Variants in SVIL observed in about 807,000 individuals in gnomAD.
SVIL encodes archvillin.
Under a neutral mutation model 240.4 loss-of-function variants are expected in SVIL, and 101 were observed. The ratio of observed to expected loss-of-function variants is 0.42; its 90% CI spans 0.36 to 0.50. SVIL has a LOEUF of 0.50. SVIL is among the 20% of genes least tolerant of loss of function. SVIL has a pLI of 0.01. For synonymous variants in SVIL, 999 were observed against 1,100.0 expected (o/e 0.91, Z 1.82); for missense variants, 2,512 against 2,818.7 (o/e 0.89, Z 2.46).
chr10:29,720,439 T>C (rs1407050374), intron 1 of SVIL, among the ~76,000 whole-genome samples: 5 of 152,146 alleles, frequency 3.3e-5, no homozygotes, highest in Non-Finnish European at 7.4e-5. Flanking sequence ...CACATGGTAC[T>C]TATAAAAATA....
At chr10:29,647,624 G>GGGGGGTGT (rs148132418) in intron 3 of SVIL, among the ~76,000 whole-genome samples, 14 of 151,566 alleles carry the variant, frequency 9.2e-5, no homozygotes, top group African/African-American at 2.2e-4. Context: ...TGCAAATATA[G>GGGGGGTGT]GTGTGTGTGT....
At chr10:29,558,751 A>G (rs1231758102) in intron 3 of SVIL, among the ~76,000 whole-genome samples, 1 of 150,756 alleles carries the variant, frequency 6.6e-6, no homozygotes, top group Non-Finnish European at 1.5e-5. Context: ...ACATGATGAA[A>G]CCCCGTCTCA....
intron 3 of SVIL, among the ~76,000 whole-genome samples, chr10:29,640,736 G>A (rs561875778): frequency 6.6e-6 from 1 of 152,112 alleles, no homozygotes; most frequent in Non-Finnish European, 1.5e-5. Context: ...ACTAAGCCTC[G>A]GTTCCTGCCT....
At chr10:29,567,802 G>A (rs1955093196) in intron 2 of SVIL, among the ~76,000 whole-genome samples, 1 of 152,070 alleles carries the variant, frequency 6.6e-6, no homozygotes, top group Admixed American at 6.5e-5. Context: ...GGATCACAAG[G>A]TCAGGAGATC....
At chr10:29,627,901 A>G (rs1957936172) in intron 1 of SVIL, among the ~76,000 whole-genome samples, 1 of 152,228 alleles carries the variant, frequency 6.6e-6, no homozygotes, top group Non-Finnish European at 1.5e-5. Flanking sequence ...TGTGGCTAAA[A>G]TGAACATCCG....
chr10:29,731,240 T>C (rs1300526041), intron 1 of SVIL, among the ~76,000 whole-genome samples: 1 of 152,218 alleles, frequency 6.6e-6, no homozygotes, highest in East Asian at 1.9e-4. Context: ...GCCCAACCCT[T>C]ATTCATCTTT....
Position 29,634,922 on chromosome 10 carries a change from A to T in SVIL, c.-703T>A, listed in dbSNP as rs1259584147. 1 of 152,236 alleles carries T rather than the reference A, an allele frequency of 6.6e-6. No individual in the cohort carries two copies. Among genetic ancestry groups the T allele is most frequent in the Admixed American group, 6.5e-5 (1 of 15,284 alleles). 9.4% of individuals were successfully genotyped at this position (152,236 alleles called of 1,614,324 possible). ...GAGCCATCCATTACTGGGCAAATCC[A>T]CATGAAACCTGAGGACACTTCAGCC... On this transcript the variant is annotated 5_prime_UTR_variant, in exon 1 of 38. Coordinates refer to ENST00000355867, the MANE Select transcript of SVIL (RefSeq NM_021738.3).
At chr10:29,462,827 G>C (rs1387374724) in intron 35 of SVIL, among the ~76,000 whole-genome samples, 1 of 152,122 alleles carries the variant, frequency 6.6e-6, no homozygotes, top group Non-Finnish European at 1.5e-5. Context: ...TGAGTGGAAG[G>C]TTTCATATGT....
rs1451723545 is a variant in SVIL at position 29,577,669 on chromosome 10, T to C, written c.-200-8357A>G. 2.6e-5 allele frequency among the ~76,000 whole-genome samples: 4 copies of C among 152,248 alleles called. 1 individual carries two copies. In the South Asian group the frequency reaches 8.3e-4, roughly 31 times the overall value. On this transcript the variant is annotated intron_variant, in intron 1 of 37. Transcript: ENST00000355867. ...TGCGGGTGCATGTGTCTTTTTTATA[T>C]AATGACTTCTTTTCCTTTGGGTAGA...
chr10:29,681,105 G>C (rs1271659871), intron 2 of SVIL, among the ~76,000 whole-genome samples: 2 of 152,104 alleles, frequency 1.3e-5, no homozygotes, highest in Admixed American at 1.3e-4. Flanking sequence ...GCAGGAAGCT[G>C]TCATAAAGGG....
At chr10:29,696,185 C>T (rs1589530643) in intron 1 of SVIL, among the ~76,000 whole-genome samples, 1 of 151,906 alleles carries the variant, frequency 6.6e-6, no homozygotes, top group Non-Finnish European at 1.5e-5. Flanking sequence ...AGCTCCTAGC[C>T]GCGAGTGTTC....
chr10:29,608,235 A>C (rs1189103030), intron 1 of SVIL, among the ~76,000 whole-genome samples: 1 of 152,186 alleles, frequency 6.6e-6, no homozygotes, highest in Non-Finnish European at 1.5e-5. Flanking sequence ...AGGCAGTGGA[A>C]GTGGGGTTGG....
chr10:29,687,468 A>G (rs569939387), intron 1 of SVIL, among the ~76,000 whole-genome samples: 89 of 152,340 alleles, frequency 5.8e-4, no homozygotes, highest in African/African-American at 2.0e-3. Flanking sequence ...GAGGCAGGTG[A>G]ATCACCTGAG....
intron 17 of SVIL, among the ~76,000 whole-genome samples, chr10:29,509,408 G>A (rs1213677634): frequency 6.8e-6 from 1 of 147,110 alleles, no homozygotes; most frequent in Non-Finnish European, 1.5e-5. Context: ...CACAGGAAAT[G>A]ACAGAACTAG....
At chr10:29,639,469 C>A (rs886549244), upstream of SVIL, among the ~76,000 whole-genome samples, 2 of 125,454 alleles carry the variant, frequency 1.6e-5, no homozygotes, top group African/African-American at 6.2e-5. Flanking sequence ...GCGCCTGGCC[C>A]TTTTTTTTTT....
chr10:29,693,632 T>C lies in SVIL; in HGVS notation c.-399-6981A>G, dbSNP rs149672253. On this transcript the variant is annotated intron_variant, in intron 1 of 35. Coordinates refer to the SVIL transcript ENST00000375400. ...ACTGCACTCCAGAGCCAAGCCGCTG[T>C]GTGCATCACAACTGCACACACACAA... Among the ~76,000 whole-genome samples, 736 of 152,262 alleles carry C rather than the reference T, an allele frequency of 4.8e-3. 4 individuals are homozygous for C. The highest frequency in any genetic ancestry group is 0.016 in the African/African-American group (684 of 41,558).
intron 1 of SVIL, among the ~76,000 whole-genome samples, chr10:29,712,458 G>A (rs748315255): frequency 2.0e-5 from 3 of 152,132 alleles, no homozygotes; most frequent in Non-Finnish European, 4.4e-5. Context: ...CTTCTCTCTC[G>A]CTATCTGATC....
rs182418451 is a variant in SVIL, at chr10:29,664,159, C to A, written c.-300-6091G>T. ...CAAAACCCTGGGAGATGTTCTGATT[C>A]AAGGATATGGTATTAACCAAAATCA... On this transcript the variant is annotated intron_variant, in intron 2 of 35. Transcript: ENST00000375400. 1.5e-3 allele frequency among the ~76,000 whole-genome samples: 227 copies of A among 152,220 alleles called. 1 individual carries two copies. The highest frequency in any genetic ancestry group is 1.9e-3 in the Non-Finnish European group (128 of 68,022).
intron 29 of SVIL, 108 bp downstream of exon 29, chr10:29,480,429 T>C (rs1946702202): frequency 7.0e-7 from 1 of 1,425,096 alleles, no homozygotes; most frequent in Admixed American, 1.9e-5. Flanking sequence ...AGTGCCCCAC[T>C]GCACGGACGC....
Sources: gnomAD v4.1 joint callset for allele counts (sites outside exome capture counted in the v4.1 genomes callset) on GRCh38, gnomAD v4.1.1 for gene constraint, MANE v1.5 for transcripts, NCBI Gene and HGNC (gene_info 2026-07-23, HGNC 2026-07-21) for gene names.